PI4KA: variants seen among roughly 807,000 people sequenced by gnomAD.
PI4KA encodes phosphatidylinositol 4-kinase alpha, also known as PI4-kinase alpha.
Under a neutral mutation model 271.4 loss-of-function variants are expected in PI4KA, and 122 were observed. That is an observed-to-expected ratio of 0.45 (90% CI 0.39 to 0.52). PI4KA has a LOEUF of 0.52. PI4KA is among the 20% of genes least tolerant of loss of function. The probability of loss-of-function intolerance (pLI) is 0.00; values close to 1 mark genes in which losing one functional copy is unlikely to be tolerated. For synonymous variants in PI4KA, 1,041 were observed against 1,078.8 expected (o/e 0.96, Z 0.69); for missense variants, 1,969 against 2,769.1 (o/e 0.71, Z 6.48).
intron 20 of PI4KA, 148 bp from the exon 21 acceptor site, chr22:20,765,384 C>G (rs1932428471): frequency 2.2e-6 from 2 of 905,150 alleles, no homozygotes. Flanking sequence ...CTGACTTGGA[C>G]AGACTTTTCC....
chr22:20,774,491 A>G (rs1933086498), intron 19 of PI4KA, among the ~76,000 whole-genome samples: 1 of 152,196 alleles, frequency 6.6e-6, no homozygotes, highest in Admixed American at 6.5e-5. Flanking sequence ...GGCCGGGTGC[A>G]GTGGCTCACG....
chr22:20,819,937 G>A, intron 5 of PI4KA, 37 bp from the exon 6 acceptor site: 2 of 1,571,012 alleles, frequency 1.3e-6, no homozygotes, highest in East Asian at 2.2e-5. Context: ...ATATAAGAAA[G>A]TATCCTGATA....
At chr22:20,780,801 C>T (rs567159201) in intron 19 of PI4KA, among the ~76,000 whole-genome samples, 7 of 94,398 alleles carry the variant, frequency 7.4e-5, no homozygotes, top group South Asian at 3.2e-4. Context: ...AGAAGTAAAA[C>T]GATGCTCCAA....
chr22:20,834,872 C>G (rs1924658174), intron 2 of PI4KA, among the ~76,000 whole-genome samples: 1 of 152,196 alleles, frequency 6.6e-6, no homozygotes, highest in Non-Finnish European at 1.5e-5. Context: ...ACCTGTACCA[C>G]AGGAGCCTAA....
chr22:20,856,920 C>T (rs1402002747), intron 1 of PI4KA, among the ~76,000 whole-genome samples: 1 of 152,166 alleles, frequency 6.6e-6, no homozygotes, highest in Non-Finnish European at 1.5e-5. Context: ...TCTTAAAGAT[C>T]ATCCAATTCA....
At chr22:20,825,068 T>TTAAAAAA (rs1601577964) in intron 3 of PI4KA, among the ~76,000 whole-genome samples, 1 of 3,030 alleles carries the variant, frequency 3.3e-4, no homozygotes, top group African/African-American at 1.3e-3. Context: ...AGACGCCATC[T>TTAAAAAA]CAAAAAAAAA....
chr22:20,787,316 G>T, intron 19 of PI4KA: 1 of 523,356 alleles, frequency 1.9e-6, no homozygotes, highest in East Asian at 3.5e-5. Context: ...TACCTAGAGG[G>T]TCTCACCTCC....
chr22:20,742,220 G>T lies in PI4KA; in HGVS notation c.3741+8C>A, dbSNP rs752043435. 3 of 1,613,536 alleles carry T rather than the reference G, an allele frequency of 1.9e-6. No homozygotes were observed. The East Asian group carries it at 6.7e-5, about 36-fold the overall frequency. ...ATCCTCACTGCCAACCCGAGGTCAG[G>T]GTCCTACCGGCACTTCCACTCCATC... On this transcript the variant is annotated splice_region_variant and intron_variant, in intron 32 of 54. Transcript: ENST00000255882.
chr22:20,770,423 G>T (rs1193366881), intron 19 of PI4KA, among the ~76,000 whole-genome samples: 3 of 148,664 alleles, frequency 2.0e-5, no homozygotes. Context: ...TGAGGCAGGA[G>T]AATCGCTTGA....
At position 20,819,708 on chromosome 22, in the gene PI4KA, T is replaced by C; in HGVS notation, c.722A>G (p.Asn241Ser). 6.2e-7 allele frequency: 1 copy of C among 1,613,974 alleles called. No individual in the cohort carries two copies. Among genetic ancestry groups the C allele is most frequent in the Non-Finnish European group, 8.5e-7 (1 of 1,179,934 alleles). ...FNDFRSILPSNLLTVCQEGTL... is the reference protein window; with the variant it reads ...FNDFRSILPSSLLTVCQEGTL... ...ACCCTCCTGACAGACAGTCAGCAGA[T>C]TGCTGGGGAGGATGGAGCGGAAGTC... The change falls in exon 6 of 55, where the codon AAT becomes AGT. Residue 241 changes from asparagine to serine, a missense_variant. This residue lies in a region of PI4KA where 540 missense variants were observed against 555.5 expected (regional missense o/e 0.97). Coordinates refer to ENST00000255882, the MANE Select transcript of PI4KA (RefSeq NM_058004.4).
intron 43 of PI4KA, 85 bp downstream of exon 43, chr22:20,721,213 T>A (rs1926698032): frequency 3.5e-6 from 5 of 1,445,930 alleles, no homozygotes; most frequent in Non-Finnish European, 4.8e-6. Context: ...CAGTGCAGGC[T>A]GGCGAGAGCC....
intron 22 of PI4KA, 86 bp from the exon 23 acceptor site, chr22:20,761,472 T>C: frequency 2.5e-6 from 2 of 813,802 alleles, no homozygotes; most frequent in East Asian, 4.9e-5. Context: ...GTGGTAAGGA[T>C]GTGAAGAACA....
intron 36 of PI4KA, among the ~76,000 whole-genome samples, chr22:20,732,163 T>G (rs1205291283): frequency 6.6e-6 from 1 of 151,746 alleles, no homozygotes; most frequent in Non-Finnish European, 1.5e-5. Context: ...GACAGATCAA[T>G]ACTCTGTCTC....
At chr22:20,733,159 C>A in intron 35 of PI4KA, 61 bp from the exon 36 acceptor site, 4 of 1,592,078 alleles carry the variant, frequency 2.5e-6, no homozygotes, top group South Asian at 1.1e-5. Flanking sequence ...AGAGGCCAGT[C>A]ACACAAAGCA....
rs138731378 is a variant in PI4KA, at chr22:20,801,281, A to G, written c.1724+692T>C. 2.1e-3 allele frequency among the ~76,000 whole-genome samples: 312 copies of G among 152,116 alleles called. 3 individuals are homozygous for G. In the East Asian group the frequency reaches 0.027, roughly 13 times the overall value. The stretch of plus-strand genomic sequence containing the variant: ...GTGTAGGTTTAAAATAATCAGAAAC[A>G]AGCTTTAAAAAAGTATAAATGCAGC... On this transcript the variant is annotated intron_variant, in intron 14 of 54. Transcript: ENST00000255882.
intron 40 of PI4KA, 59 bp downstream of exon 40, chr22:20,727,715 G>A (rs1927530289): frequency 8.0e-7 from 1 of 1,257,254 alleles, no homozygotes; most frequent in East Asian, 2.3e-5. Context: ...GGCATTTCTG[G>A]GTGCAGTGTG....
chr22:20,747,989 G>A (rs1451900352), intron 28 of PI4KA, among the ~76,000 whole-genome samples: 1 of 152,214 alleles, frequency 6.6e-6, no homozygotes, highest in Admixed American at 6.5e-5. Context: ...TCCCGCCTCA[G>A]CATCCCAAAA....
At chr22:20,726,609 C>T in intron 41 of PI4KA, 68 bp from the exon 42 acceptor site, 2 of 1,392,462 alleles carry the variant, frequency 1.4e-6, no homozygotes, top group Non-Finnish European at 1.9e-6. Context: ...CGGCCCAGGC[C>T]CTGCCTCTGC....
Position 20,834,666 on chromosome 22 carries a change from A to G in PI4KA, c.274-11T>C, listed in dbSNP as rs770896645. ...CACACAATCTTTGTGCTAAAAAATA[A>G]TAAGAAGAATAATAAATTAGATTTA... On this transcript the variant is annotated splice_polypyrimidine_tract_variant and intron_variant, in intron 2 of 54. Coordinates refer to ENST00000255882, the MANE Select transcript of PI4KA (RefSeq NM_058004.4). 1.3e-6 allele frequency: 2 copies of G among 1,503,058 alleles called. No homozygotes were observed. The highest frequency in any genetic ancestry group is 2.3e-5 in the East Asian group (1 of 44,360). The allele number at this position is 1,503,058 out of a possible 1,614,324, so 93.1% of individuals were successfully genotyped here.
Sources: allele counts gnomAD v4.1 joint callset (sites outside exome capture counted in the v4.1 genomes callset), GRCh38; gene constraint gnomAD v4.1.1; regional missense constraint gnomAD v4.1.1; transcripts MANE v1.5; gene names NCBI Gene and HGNC (gene_info 2026-07-23, HGNC 2026-07-21).